TMEM44: variants seen among roughly 807,000 people sequenced by gnomAD.
The protein encoded by TMEM44 is transmembrane protein 44.
Under a neutral mutation model 47.8 loss-of-function variants are expected in TMEM44, and 43 were observed. That is an observed-to-expected ratio of 0.90 (90% confidence interval 0.70 to 1.16). The LOEUF (loss-of-function observed/expected upper bound fraction) is 1.16. Among genes scored for constraint, TMEM44 ranks in the 50% most tolerant of loss-of-function variants. The pLI is 0.00. For synonymous variants in TMEM44, 277 were observed against 238.8 expected (o/e 1.16, Z -1.48); for missense variants, 568 against 555.2 (o/e 1.02, Z -0.23).
At chr3:194,610,582 G>GAACCCCAA (rs1332032952) in intron 8 of TMEM44, among the ~76,000 whole-genome samples, 1 of 151,848 alleles carries the variant, frequency 6.6e-6, no homozygotes, top group African/African-American at 2.4e-5. Context: ...TCCCACCCCA[G>GAACCCCAA]AACCCCAAAC....
intron 5 of TMEM44, among the ~76,000 whole-genome samples, chr3:194,618,626 A>G (rs549295436): frequency 6.7e-6 from 1 of 150,132 alleles, no homozygotes; most frequent in South Asian, 2.1e-4. Context: ...AATTTAGTTT[A>G]TATACATAAT....
chr3:194,615,739 C>T (rs1374526023), intron 6 of TMEM44, 42 bp from the exon 7 acceptor site: 1 of 1,607,292 alleles, frequency 6.2e-7, no homozygotes, highest in Non-Finnish European at 8.5e-7. Context: ...AATATTCCAG[C>T]TGCCTAGCGT....
At chr3:194,598,135 T>A (rs1425889005) in intron 9 of TMEM44, among the ~76,000 whole-genome samples, 1 of 152,096 alleles carries the variant, frequency 6.6e-6, no homozygotes, top group Non-Finnish European at 1.5e-5. Context: ...GAAAAAGCCC[T>A]CTCTACACAG....
intron 6 of TMEM44, chr3:194,616,824 G>A: frequency 2.0e-6 from 1 of 491,028 alleles, no homozygotes; most frequent in Non-Finnish European, 3.7e-6. Context: ...GAAATTGGGA[G>A]GTGAAGGTTG....
At chr3:194,622,204 C>G (rs942121011) in intron 5 of TMEM44, among the ~76,000 whole-genome samples, 1 of 152,240 alleles carries the variant, frequency 6.6e-6, no homozygotes, top group Non-Finnish European at 1.5e-5. Context: ...GTGTGCTCTC[C>G]TCTGCCGATG....
At position 194,617,853 on chromosome 3, in the gene TMEM44, G is replaced by A. The variant is rs76423194; in HGVS notation, c.613-584C>T. On this transcript the variant is annotated intron_variant, in intron 5 of 9. Transcript: ENST00000347147. ...ACCATACCCTGGGTGCTGTCCTCAC[G>A]ACAGTGAGTGAGTTCTCCTGAGATC... is the stretch of plus-strand genomic sequence containing the variant. 3.7e-3 allele frequency: 2,392 copies of A among 652,052 alleles called. 41 individuals are homozygous for A. In the African/African-American group the frequency reaches 0.038, roughly 10 times the overall value. 40.4% of individuals were successfully genotyped at this position (652,052 alleles called of 1,614,324 possible). A position where few individuals can be genotyped will look rare whatever the true frequency, so the allele number is the denominator to read the frequency against.
At chr3:194,590,956 G>T (rs1265809572) in intron 9 of TMEM44, among the ~76,000 whole-genome samples, 1 of 152,202 alleles carries the variant, frequency 6.6e-6, no homozygotes, top group African/African-American at 2.4e-5. Context: ...CACTTTGGGA[G>T]ACTGAGGCGG....
chr3:194,588,260 T>G lies in TMEM44; in HGVS notation c.*269A>C. The stretch of plus-strand genomic sequence containing the variant: ...AAGGAAGAGCGGGTCTGAGATCCTT[T>G]GGATTATCTTTACGAAGCAAAAGCT... On this transcript the variant is annotated 3_prime_UTR_variant, in exon 10 of 10. Transcript: ENST00000347147. 2.3e-6 allele frequency: 1 copy of G among 427,934 alleles called. No homozygotes were observed. 26.5% of individuals were successfully genotyped at this position (427,934 alleles called of 1,614,324 possible).
chr3:194,627,087 A>G (rs1365242052), intron 2 of TMEM44, among the ~76,000 whole-genome samples: 1 of 152,044 alleles, frequency 6.6e-6, no homozygotes, highest in Non-Finnish European at 1.5e-5. Context: ...ACGCCCAGCT[A>G]GTTTTCTCCA....
Position 194,631,219 on chromosome 3 carries a change from C to T in TMEM44, c.137+1860G>A, listed in dbSNP as rs373493936. Reference sequence around the variant, plus strand: ...CCTCTGAAATATGTTGTCGTACCTGCCTTCCGAAGGGGCTGGCTGTTTCTA... The same window carrying T: ...CCTCTGAAATATGTTGTCGTACCTGTCTTCCGAAGGGGCTGGCTGTTTCTA... On this transcript the variant is annotated intron_variant, in intron 1 of 9. Coordinates refer to ENST00000347147, the MANE Select transcript of TMEM44 (RefSeq NM_001011655.3). Among the ~76,000 whole-genome samples the T allele has an allele frequency of 5.9e-5, 9 of 152,276 alleles. No individual in the cohort carries two copies. In the East Asian group the frequency reaches 1.2e-3, roughly 20 times the overall value.
intron 9 of TMEM44, among the ~76,000 whole-genome samples, chr3:194,593,526 G>A (rs2109149308): frequency 6.6e-6 from 1 of 152,256 alleles, no homozygotes; most frequent in South Asian, 2.1e-4. Flanking sequence ...TTTGTAGTCA[G>A]TGTTTACTGC....
Position 194,610,910 on chromosome 3 carries a change from A to G in TMEM44, c.1017+6T>C, listed in dbSNP as rs1431209318. On this transcript the variant is annotated splice_donor_region_variant and intron_variant, in intron 8 of 9. Coordinates refer to ENST00000347147, the MANE Select transcript of TMEM44 (RefSeq NM_001011655.3). ...AGACACCTGGCCATGACCGATGGCCACTCACCTGCTGCACAGGCTCGATGG... is the reference window on the plus strand; with the variant it reads ...AGACACCTGGCCATGACCGATGGCCGCTCACCTGCTGCACAGGCTCGATGG... 6.2e-7 allele frequency: 1 copy of G among 1,612,044 alleles called. No homozygotes were observed. The highest frequency in any genetic ancestry group is 1.3e-5 in the African/African-American group (1 of 74,758).
intron 9 of TMEM44, among the ~76,000 whole-genome samples, chr3:194,593,567 G>C (rs1009329121): frequency 5.3e-5 from 8 of 152,094 alleles, no homozygotes; most frequent in Admixed American, 2.6e-4. Context: ...CCTCAAATAT[G>C]TCTGACTCAA....
At chr3:194,624,661 T>C (rs761573461) in intron 3 of TMEM44, among the ~76,000 whole-genome samples, 1 of 152,034 alleles carries the variant, frequency 6.6e-6, no homozygotes, top group Non-Finnish European at 1.5e-5. Context: ...TCAAGCAATC[T>C]TCCCAACTCA....
At chr3:194,632,632 G>T (rs1415145422) in intron 1 of TMEM44, among the ~76,000 whole-genome samples, 1 of 152,166 alleles carries the variant, frequency 6.6e-6, no homozygotes, top group Non-Finnish European at 1.5e-5. Flanking sequence ...CTAAGAGTTG[G>T]TGGCCTAGCT....
chr3:194,610,807 CTT>C (rs758496088), intron 8 of TMEM44, 107 bp downstream of exon 8: 57 of 956,578 alleles, frequency 6.0e-5, no homozygotes, highest in Non-Finnish European at 7.5e-5. Context: ...ACCTGCTTCT[CTT>C]GTTTTCTCCT....
At position 194,587,732 on chromosome 3, in the gene TMEM44, CA is replaced by C. The variant is rs1483125049; in HGVS notation, c.*796del. On this transcript the variant is annotated 3_prime_UTR_variant, in exon 10 of 10. Coordinates refer to ENST00000347147, the MANE Select transcript of TMEM44 (RefSeq NM_001011655.3). ...CCAGTGTTCACTCCCACCTTAGCCCCATTCCATGCGCCCTTACCCTTACTCA... is the reference window on the plus strand; with the variant it reads ...CCAGTGTTCACTCCCACCTTAGCCCCTTCCATGCGCCCTTACCCTTACTCA... The C allele has an allele frequency of 6.6e-6, 1 of 152,308 alleles. No individual in the cohort carries two copies. Among genetic ancestry groups the C allele is most frequent in the African/African-American group, 2.4e-5 (1 of 41,470 alleles). 9.4% of individuals were successfully genotyped at this position (152,308 alleles called of 1,614,324 possible).
chr3:194,604,499 T>C lies in TMEM44; in HGVS notation c.1018-54A>G. The C allele has an allele frequency of 3.4e-6, 5 of 1,455,634 alleles. No individual in the cohort carries two copies. In the South Asian group the frequency reaches 4.3e-5, roughly 13 times the overall value. The allele number at this position is 1,455,634 out of a possible 1,614,324, so 90.2% of individuals were successfully genotyped here. On this transcript the variant is annotated intron_variant, in intron 8 of 9. Transcript: ENST00000347147. Reference sequence around the variant, plus strand: ...AGGACACGTAGTTTAGTTTTGATGGTTGAATTGTCAAAGCATTCACATACT... The same window carrying C: ...AGGACACGTAGTTTAGTTTTGATGGCTGAATTGTCAAAGCATTCACATACT...
intron 6 of TMEM44, 44 bp from the exon 7 acceptor site, chr3:194,615,741 G>A: frequency 6.2e-7 from 1 of 1,604,232 alleles, no homozygotes; most frequent in Non-Finnish European, 8.5e-7. Flanking sequence ...TATTCCAGCT[G>A]CCTAGCGTGG....
Sources: gnomAD v4.1 joint callset for allele counts (sites outside exome capture counted in the v4.1 genomes callset) on GRCh38, gnomAD v4.1.1 for gene constraint, MANE v1.5 for transcripts, NCBI Gene and HGNC (gene_info 2026-07-23, HGNC 2026-07-21) for gene names.